IMPDH2: variants seen among roughly 807,000 people sequenced by gnomAD.
IMPDH2 encodes the protein inosine monophosphate dehydrogenase 2, also known as inosine-5'-monophosphate dehydrogenase 2.
IMPDH2 carries 33 observed loss-of-function variants against 57.8 expected under a neutral mutation model. That is an observed-to-expected ratio of 0.57 (90% CI 0.43 to 0.76). The LOEUF (loss-of-function observed/expected upper bound fraction) is 0.76. IMPDH2 is among the 30% of genes least tolerant of loss of function. IMPDH2 has a pLI of 0.00. For missense variants in IMPDH2, 446 were observed against 659.1 expected, an observed-to-expected ratio of 0.68 and a Z score of 3.54; for synonymous variants, 270 against 241.3, an observed-to-expected ratio of 1.12 and a Z score of -1.10.
At chr3:49,028,828 T>A in intron 1 of IMPDH2, 22 bp from the exon 2 acceptor site, 1 of 1,607,918 alleles carries the variant, frequency 6.2e-7, no homozygotes, top group Non-Finnish European at 8.5e-7. Context: ...GGGAGTGAAT[T>A]GGGAGTAAAG....
chr3:49,028,186 C>A, intron 4 of IMPDH2, 62 bp downstream of exon 4: 1 of 1,343,122 alleles, frequency 7.4e-7, no homozygotes, highest in South Asian at 1.2e-5. Context: ...CCCCTACTCC[C>A]ACCCCACCCC....
At position 49,028,538 on chromosome 3, in the gene IMPDH2, G is replaced by C. The variant is rs1463439110; in HGVS notation, c.148-6C>G. ...GTCAGAGCAGAAGTCAGGTCCTGAG[G>C]AGACAAACGTCAACCAGTGTGGGAA... On this transcript the variant is annotated splice_region_variant and splice_polypyrimidine_tract_variant and intron_variant, in intron 2 of 13. Coordinates refer to ENST00000326739, the MANE Select transcript of IMPDH2 (RefSeq NM_000884.3). 1.2e-6 allele frequency: 2 copies of C among 1,607,268 alleles called. No homozygotes were observed. The highest frequency in any genetic ancestry group is 2.7e-5 in the African/African-American group (2 of 74,736).
chr3:49,026,086 C>A (rs1186389828), intron 9 of IMPDH2: 2 of 637,126 alleles, frequency 3.1e-6, no homozygotes, highest in Non-Finnish European at 2.9e-6. Flanking sequence ...ACAAACAGAC[C>A]AGAGTTTAGA....
In IMPDH2 at chr3:49,025,178, T is replaced by A. The variant is rs2093192833; in HGVS notation, c.1098A>T (p.Gly366=). The A allele has an allele frequency of 1.9e-6, 3 of 1,614,100 alleles. No homozygotes were observed. Among genetic ancestry groups the A allele is most frequent in the Non-Finnish European group, 2.5e-6 (3 of 1,180,058 alleles). ...RFGVPVIADG[G]IQNVGHIAKA... ...TCGCAATATGACCCACATTTTGGAT[T>A]CCTCCATCAGCAATGACCGGAACAC... The change falls in exon 10 of 14, where the codon GGA becomes GGT. Residue 366 remains glycine, a synonymous_variant. Transcript: ENST00000326739.
At chr3:49,028,896 A>T in intron 1 of IMPDH2, 90 bp from the exon 2 acceptor site, 1 of 1,019,802 alleles carries the variant, frequency 9.8e-7, no homozygotes, top group South Asian at 1.3e-5. Context: ...CCCGTAACGC[A>T]TGTGAGCAGA....
chr3:49,025,107 C>A lies in IMPDH2; in HGVS notation c.1150+19G>T, dbSNP rs1478274599. The A allele has an allele frequency of 1.2e-6, 2 of 1,614,228 alleles. No individual in the cohort carries two copies. The highest frequency in any genetic ancestry group is 1.1e-5 in the South Asian group (1 of 91,088). ...CTAGGGAGGGGGTCCCACTGGCCTT[C>A]ACGGGTACTGGGCCTCACCTGTGGA... is the stretch of plus-strand genomic sequence containing the variant. On this transcript the variant is annotated intron_variant, in intron 10 of 13. Transcript: ENST00000326739.
Position 49,027,800 on chromosome 3 carries a change from T to C in IMPDH2, c.441A>G (p.Thr147=). ...CCACCAAGCGGCTCCCCATCCGGCC[T>C]GTGTCTGTGATTGGGATACCGCAGA... ...HGFCGIPITD[T]GRMGSRLVGI... Residue 147 remains threonine, a synonymous_variant, in exon 5 of 14, where the codon ACA becomes ACG. Transcript: ENST00000326739. The C allele has an allele frequency of 3.7e-6, 6 of 1,614,192 alleles. No individual in the cohort carries two copies. The highest frequency in any genetic ancestry group is 5.1e-6 in the Non-Finnish European group (6 of 1,180,012).
Position 49,025,005 on chromosome 3 carries a change from C to T in IMPDH2, c.1186G>A (p.Ala396Thr). 1.9e-6 allele frequency: 3 copies of T among 1,614,202 alleles called. No individual in the cohort carries two copies. Among genetic ancestry groups the T allele is most frequent in the Non-Finnish European group, 2.5e-6 (3 of 1,180,026 alleles). The change falls in exon 11 of 14, where the codon GCC (alanine) becomes ACC (threonine). Residue 396 changes from alanine to threonine, a missense_variant. Physicochemically the swap from Ala to Thr is moderately conservative, Grantham distance 58 (BLOSUM62 0). Coordinates refer to ENST00000326739, the MANE Select transcript of IMPDH2 (RefSeq NM_000884.3). ...MGSLLAATTEAPGEYFFSDGI... is the reference protein window; with the variant it reads ...MGSLLAATTETPGEYFFSDGI... ...TCGGAAAAGAAGTATTCACCAGGGGCCTCAGTGGTGGCAGCCAGGAGAGAG... is the reference window on the plus strand; with the variant it reads ...TCGGAAAAGAAGTATTCACCAGGGGTCTCAGTGGTGGCAGCCAGGAGAGAG...
chr3:49,026,619 GAAGT>G lies in IMPDH2; in HGVS notation c.820-14_820-11del, dbSNP rs754018323. The G allele has an allele frequency of 6.2e-6, 10 of 1,612,654 alleles. No homozygotes were observed. The highest frequency in any genetic ancestry group is 2.2e-5 in the East Asian group (1 of 44,902). On this transcript the variant is annotated splice_polypyrimidine_tract_variant and intron_variant, in intron 7 of 13. Coordinates refer to ENST00000326739, the MANE Select transcript of IMPDH2 (RefSeq NM_000884.3). ...TTCCCTGGGAAGAGTCCTAGGACAA[GAAGT>G]AAGTCTCAGACTGTGATGTGGCAGC...
chr3:49,029,396 G>C lies in IMPDH2; in HGVS notation c.-46C>G, dbSNP rs781594176. 3.8e-6 allele frequency: 5 copies of C among 1,322,746 alleles called. No homozygotes were observed. The highest frequency in any genetic ancestry group is 5.3e-6 in the Non-Finnish European group (5 of 938,990). 81.9% of individuals were successfully genotyped at this position (1,322,746 alleles called of 1,614,324 possible). A position where few individuals can be genotyped will look rare whatever the true frequency, so the allele number is the denominator to read the frequency against. ...GCGTGTCTCCGAGGACCGCGCCGCA[G>C]AGACCTCTGCCGTCTGGGCCGCGCC... On this transcript the variant is annotated 5_prime_UTR_variant, in exon 1 of 14. Coordinates refer to ENST00000326739, the MANE Select transcript of IMPDH2 (RefSeq NM_000884.3).
rs376606970 is a variant in IMPDH2 at position 49,027,783 on chromosome 3, C to T, written c.458G>A (p.Arg153His). The change falls in exon 5 of 14, where the codon CGC becomes CAC. Residue 153 changes from arginine to histidine, a missense_variant. Transcript: ENST00000326739. ...PITDTGRMGS[R>H]LVGIISSRDI... ...CCTGGAGGAGATGATGCCCACCAAGCGGCTCCCCATCCGGCCTGTGTCTGT... is the reference window on the plus strand; with the variant it reads ...CCTGGAGGAGATGATGCCCACCAAGTGGCTCCCCATCCGGCCTGTGTCTGT... The T allele has an allele frequency of 1.5e-5, 24 of 1,614,074 alleles. No homozygotes were observed. Among genetic ancestry groups the T allele is most frequent in the Non-Finnish European group, 1.9e-5 (22 of 1,180,044 alleles).
chr3:49,027,844 C>T lies in IMPDH2; in HGVS notation c.397G>A (p.Ala133Thr). Residue 133 changes from alanine to threonine, a missense_variant, in exon 5 of 14, where the codon GCC (alanine) becomes ACC (threonine). By Grantham distance (58) the Ala-to-Thr change is moderately conservative. Transcript: ENST00000326739. The part of the protein sequence containing the change: ...PKDRVRDVFE[A>T]KARHGFCGIP... ...CCGCAGAAACCATGCCGGGCCTTGG[C>T]CTCAAAAACATCCCGCACGCGATCC... is the stretch of plus-strand genomic sequence containing the variant. 6.2e-7 allele frequency: 1 copy of T among 1,614,238 alleles called. No individual in the cohort carries two copies. Among genetic ancestry groups the T allele is most frequent in the South Asian group, 1.1e-5 (1 of 91,090 alleles).
chr3:49,025,142 G>A lies in IMPDH2; in HGVS notation c.1134C>T (p.Ala378=). ...QNVGHIAKAL[A]LGASTVMMGS... ...GGGCCTCACCTGTGGAGGCCCCAAGGGCCAAGGCTTTCGCAATATGACCCA... is the reference window on the plus strand; with the variant it reads ...GGGCCTCACCTGTGGAGGCCCCAAGAGCCAAGGCTTTCGCAATATGACCCA... Residue 378 remains alanine (A), a synonymous_variant, in exon 10 of 14, where the codon GCC becomes GCT. Transcript: ENST00000326739. The A allele has an allele frequency of 1.2e-6, 2 of 1,614,152 alleles. No individual in the cohort carries two copies. The highest frequency in any genetic ancestry group is 1.7e-6 in the Non-Finnish European group (2 of 1,180,010).
In IMPDH2 at chr3:49,026,589, G is replaced by A; in HGVS notation, c.840C>T (p.Ser280=). 5 of 1,613,894 alleles carry A rather than the reference G, an allele frequency of 3.1e-6. No individual in the cohort carries two copies. The highest frequency in any genetic ancestry group is 4.2e-6 in the Non-Finnish European group (5 of 1,179,746). Residue 280 remains serine (S), a synonymous_variant, in exon 8 of 14, where the codon TCC becomes TCT. Coordinates refer to ENST00000326739, the MANE Select transcript of IMPDH2 (RefSeq NM_000884.3). ...VVVLDSSQGN[S]IFQINMIKYI... ...ACTTGATCATATTGATCTGGAAGAT[G>A]GAATTTCCCTGGGAAGAGTCCTAGG...
chr3:49,024,845 T>C (rs901851152), intron 11 of IMPDH2, 43 bp from the exon 12 acceptor site: 1 of 1,613,996 alleles, frequency 6.2e-7, no homozygotes, highest in South Asian at 1.1e-5. Context: ...ACAGCAGAGA[T>C]GAGACTGTCA....
chr3:49,026,525 C>T lies in IMPDH2; in HGVS notation c.904G>A (p.Gly302Ser). 1 of 1,613,108 alleles carries T rather than the reference C, an allele frequency of 6.2e-7. No individual in the cohort carries two copies. Among genetic ancestry groups the T allele is most frequent in the Non-Finnish European group, 8.5e-7 (1 of 1,179,028 alleles). Residue 302 changes from glycine (G) to serine (S), a missense_variant, in exon 8 of 14, where the codon GGC (glycine) becomes AGC (serine). Coordinates refer to ENST00000326739, the MANE Select transcript of IMPDH2 (RefSeq NM_000884.3). ...DKYPNLQVIG[G>S]NVVTAAQAKN... The stretch of plus-strand genomic sequence containing the variant: ...GGGCACAATCTTGCCTTACCATTGC[C>T]TCCAATGACTTGGAGATTAGGGTAT...
At chr3:49,027,430 G>A (rs772626015) in intron 5 of IMPDH2, among the ~76,000 whole-genome samples, 1 of 152,172 alleles carries the variant, frequency 6.6e-6, no homozygotes, top group South Asian at 2.1e-4. Context: ...GAATAAGGAG[G>A]ACAACACAGG....
rs886766695 is a variant in IMPDH2, at chr3:49,026,706, C to A, written c.800G>T (p.Gly267Val). 1.2e-6 allele frequency: 2 copies of A among 1,614,214 alleles called. No individual in the cohort carries two copies. The highest frequency in any genetic ancestry group is 2.7e-5 in the African/African-American group (2 of 75,068). ...GCTCACCAAAACCACTACATCCACA[C>A]CAGCCTGGGCGAGCAAGTCCAGCCT... ...KYRLDLLAQA[G>V]VDVVVLDSSQ... The change falls in exon 7 of 14, where the codon GGT becomes GTT. Residue 267 changes from glycine to valine, a missense_variant. By Grantham distance (109) the Gly-to-Val change is moderately radical. Transcript: ENST00000326739.
chr3:49,026,459 G>C (rs1032867692), intron 8 of IMPDH2, 40 bp from the exon 9 acceptor site: 1 of 1,605,394 alleles, frequency 6.2e-7, no homozygotes, highest in Non-Finnish European at 8.5e-7. Context: ...TGAAGGTTAA[G>C]GTGGGAGCCC....
Sources: allele counts gnomAD v4.1 joint callset (sites outside exome capture counted in the v4.1 genomes callset), GRCh38; gene constraint gnomAD v4.1.1; transcripts MANE v1.5; gene names NCBI Gene and HGNC (gene_info 2026-07-23, HGNC 2026-07-21).